The following NOP14 variants were observed in gnomAD, a reference collection of about 807,000 sequenced individuals.
The protein encoded by NOP14 is nucleolar protein 14.
A neutral mutation model predicts 101.6 loss-of-function variants in NOP14; 57 were observed. The ratio of observed to expected loss-of-function variants is 0.56; its 90% CI spans 0.45 to 0.70. The LOEUF (loss-of-function observed/expected upper bound fraction) is 0.70. Ranked by LOEUF, NOP14 falls within the 30% of genes least tolerant of loss-of-function variation. The pLI is 0.00. For synonymous variants in NOP14, 428 were observed against 424.0 expected, an observed-to-expected ratio of 1.01 and a Z score of -0.12; for missense variants, 1,134 against 1,075.5, an observed-to-expected ratio of 1.05 and a Z score of -0.76.
chr4:2,959,145 C>G (rs905415127), intron 1 of NOP14, among the ~76,000 whole-genome samples: 3 of 152,196 alleles, frequency 2.0e-5, no homozygotes, highest in Non-Finnish European at 4.4e-5. Flanking sequence ...GGAAACCATC[C>G]ATTAGTTCAA....
intron 3 of NOP14, among the ~76,000 whole-genome samples, chr4:2,955,133 T>G (rs1280811924): frequency 7.4e-6 from 1 of 134,566 alleles, no homozygotes; most frequent in African/African-American, 2.9e-5. Flanking sequence ...GCGCCCCCTC[T>G]AGTCACCTGC....
intron 2 of NOP14, 115 bp from the exon 3 acceptor site, chr4:2,956,926 T>C: frequency 1.1e-6 from 1 of 911,106 alleles, no homozygotes; most frequent in South Asian, 1.8e-5. Context: ...CAACGAATCC[T>C]AAGCAGCCTT....
At position 2,938,076 on chromosome 4, in the gene NOP14, C is replaced by T. The variant is rs1713791203; in HGVS notation, c.*755G>A. 4.6e-6 allele frequency: 3 copies of T among 658,534 alleles called. No homozygotes were observed. In the East Asian group the frequency reaches 2.3e-4, roughly 50 times the overall value. 40.8% of individuals were successfully genotyped at this position (658,534 alleles called of 1,614,324 possible). ...TTGTCCAGACGCAGTGAACCAGTCG[C>T]AGCTGATAACACACAGACCATTCCC... On this transcript the variant is annotated 3_prime_UTR_variant, in exon 18 of 18. Coordinates refer to ENST00000416614, the MANE Select transcript of NOP14 (RefSeq NM_001291978.2).
intron 6 of NOP14, among the ~76,000 whole-genome samples, chr4:2,951,918 C>A (rs1715049725): frequency 6.6e-6 from 1 of 152,132 alleles, no homozygotes; most frequent in East Asian, 1.9e-4. Flanking sequence ...GACCGCCTGG[C>A]CAACATGGCG....
chr4:2,958,870 G>T (rs1357422499), intron 1 of NOP14, among the ~76,000 whole-genome samples: 1 of 152,152 alleles, frequency 6.6e-6, no homozygotes, highest in Non-Finnish European at 1.5e-5. Context: ...TCAAAACCAG[G>T]AGCTGGAAGA....
At chr4:2,945,973 G>A (rs1174013613) in intron 11 of NOP14, among the ~76,000 whole-genome samples, 38 of 113,190 alleles carry the variant, frequency 3.4e-4, no homozygotes, top group African/African-American at 1.2e-3. Context: ...CCTCACTGCC[G>A]TGCACTCTCA....
At chr4:2,960,723 A>T (rs982549945) in intron 1 of NOP14, among the ~76,000 whole-genome samples, 1 of 132,174 alleles carries the variant, frequency 7.6e-6, no homozygotes, top group East Asian at 2.0e-4. Context: ...TAATATTATA[A>T]TCACATTAAT....
intron 6 of NOP14, 24 bp from the exon 7 acceptor site, chr4:2,951,269 C>T: frequency 6.2e-7 from 1 of 1,611,404 alleles, no homozygotes; most frequent in Middle Eastern, 1.7e-4. Flanking sequence ...AATGAGATGT[C>T]TTAGAGCACA....
At position 2,949,966 on chromosome 4, in the gene NOP14, G is replaced by C; in HGVS notation, c.1250C>G (p.Ala417Gly). The C allele has an allele frequency of 6.2e-7, 1 of 1,614,168 alleles. No individual in the cohort carries two copies. Among genetic ancestry groups the C allele is most frequent in the Non-Finnish European group, 8.5e-7 (1 of 1,180,038 alleles). Residue 417 changes from alanine (A) to glycine (G), a missense_variant, in exon 8 of 18, where the codon GCT becomes GGT. By Grantham distance (60) the Ala-to-Gly change is moderately conservative. Coordinates refer to ENST00000416614, the MANE Select transcript of NOP14 (RefSeq NM_001291978.2). Reference protein sequence around the residue: ...LISGKERAGKATRDELPYTFA... With the variant: ...LISGKERAGKGTRDELPYTFA... Reference sequence around the variant, plus strand: ...CGTGTAGGGCAGCTCGTCTCTGGTAGCTTTTCCAGCTCTTTCCTTGCCGCT... The same window carrying C: ...CGTGTAGGGCAGCTCGTCTCTGGTACCTTTTCCAGCTCTTTCCTTGCCGCT...
At chr4:2,955,704 G>C (rs1301449139) in intron 3 of NOP14, among the ~76,000 whole-genome samples, 1 of 152,266 alleles carries the variant, frequency 6.6e-6, no homozygotes, top group South Asian at 2.1e-4. Flanking sequence ...TATAGCTAAG[G>C]GTCCACGAGA....
At position 2,943,914 on chromosome 4, in the gene NOP14, G is replaced by A. The variant is rs143503148; in HGVS notation, c.1891+159C>T. 1.1e-3 allele frequency among the ~76,000 whole-genome samples: 168 copies of A among 152,360 alleles called. 1 individual carries two copies. Among genetic ancestry groups the A allele is most frequent in the Admixed American group, 3.7e-3 (56 of 15,314 alleles). On this transcript the variant is annotated intron_variant, in intron 13 of 17. Coordinates refer to ENST00000416614, the MANE Select transcript of NOP14 (RefSeq NM_001291978.2). ...AGCACTGCTTTTCCCCATGTGGCGC[G>A]TGCACACGCTCACACAGAGGGACAG...
chr4:2,942,578 T>A (rs2109294033), intron 13 of NOP14, among the ~76,000 whole-genome samples: 1 of 152,248 alleles, frequency 6.6e-6, no homozygotes, highest in Non-Finnish European at 1.5e-5. Flanking sequence ...TGATCCTGCC[T>A]GAGAGGCCTG....
In NOP14 at chr4:2,942,274, C is replaced by G; in HGVS notation, c.1969G>C (p.Ala657Pro). 1 of 1,614,150 alleles carries G rather than the reference C, an allele frequency of 6.2e-7. No homozygotes were observed. The highest frequency in any genetic ancestry group is 8.5e-7 in the Non-Finnish European group (1 of 1,180,022). The change falls in exon 14 of 18, where the codon GCC becomes CCC. Residue 657 changes from alanine (A) to proline (P), a missense_variant. Transcript: ENST00000416614. ...LLVVSAREDV[A>P]TWQQSSLSLR... ...GAGAGGCTGCTCTGCTGCCACGTGG[C>G]CACATCCTCTCTAGCAGACACCACG...
chr4:2,944,370 G>A, intron 12 of NOP14, 144 bp from the exon 13 acceptor site: 1 of 549,382 alleles, frequency 1.8e-6, no homozygotes, highest in Non-Finnish European at 3.1e-6. Flanking sequence ...GCAGTGTCGA[G>A]AGCATCAAAT....
intron 12 of NOP14, 43 bp from the exon 13 acceptor site, chr4:2,944,269 C>T (rs769919975): frequency 8.2e-6 from 13 of 1,588,576 alleles, no homozygotes; most frequent in Non-Finnish European, 1.1e-5. Flanking sequence ...GGGACGATGT[C>T]ATGCCATGCT....
At chr4:2,958,897 G>C (rs1227153628) in intron 1 of NOP14, among the ~76,000 whole-genome samples, 1 of 152,200 alleles carries the variant, frequency 6.6e-6, no homozygotes, top group Non-Finnish European at 1.5e-5. Context: ...AAAGAGAGTG[G>C]AAGGGGTTAA....
intron 4 of NOP14, among the ~76,000 whole-genome samples, 173 bp downstream of exon 4, chr4:2,954,251 G>A (rs989036320): frequency 1.1e-4 from 16 of 152,144 alleles, no homozygotes; most frequent in Admixed American, 9.8e-4. Flanking sequence ...AAACCTGTCC[G>A]AGGTATATGC....
intron 11 of NOP14, among the ~76,000 whole-genome samples, chr4:2,945,570 A>C (rs1399061675): frequency 1.3e-5 from 2 of 152,250 alleles, no homozygotes; most frequent in Non-Finnish European, 2.9e-5. Flanking sequence ...ATTTCAACAC[A>C]AACACCAGGC....
In NOP14 at chr4:2,950,233, CACAGGGCATGAGG is replaced by C; in HGVS notation, c.1003-33_1003-21del. On this transcript the variant is annotated intron_variant, in intron 7 of 17. Coordinates refer to ENST00000416614, the MANE Select transcript of NOP14 (RefSeq NM_001291978.2). ...TCCATCCTACCAAGAGCGTGGAAACCACAGGGCATGAGGACAGGCGGAGACAACGCTGGACCAT... is the reference window on the plus strand; with the variant it reads ...TCCATCCTACCAAGAGCGTGGAAACCACAGGCGGAGACAACGCTGGACCAT... 1 of 1,611,578 alleles carries C rather than the reference CACAGGGCATGAGG, an allele frequency of 6.2e-7. No individual in the cohort carries two copies. Among genetic ancestry groups the C allele is most frequent in the South Asian group, 1.1e-5 (1 of 91,046 alleles).
Sources: allele counts gnomAD v4.1 joint callset (sites outside exome capture counted in the v4.1 genomes callset), GRCh38; gene constraint gnomAD v4.1.1; transcripts MANE v1.5; gene names NCBI Gene and HGNC (gene_info 2026-07-23, HGNC 2026-07-21).